Variants in POLQ observed in about 807,000 individuals in gnomAD.
The protein encoded by POLQ is DNA polymerase theta, also known as epididymis secretory sperm binding protein.
A neutral mutation model predicts 259.2 loss-of-function variants in POLQ; 233 were observed. The observed-to-expected ratio is 0.90, with a 90% CI of 0.81 to 1.00. The LOEUF (loss-of-function observed/expected upper bound fraction) is 1.00, where lower values mean the gene tolerates loss of function less well. POLQ is among the 50% of genes least tolerant of loss of function. POLQ has a pLI of 0.00. For synonymous variants in POLQ, 1,025 were observed against 1,048.8 expected, an observed-to-expected ratio of 0.98 and a Z score of 0.44; for missense variants, 2,871 against 3,051.6, an observed-to-expected ratio of 0.94 and a Z score of 1.39.
chr3:121,507,808 AAT>A (rs2048221023), intron 12 of POLQ, among the ~76,000 whole-genome samples: 1 of 152,046 alleles, frequency 6.6e-6, no homozygotes, highest in Non-Finnish European at 1.5e-5. Context: ...TCCCTGTCTA[AAT>A]TCCTATAACT....
chr3:121,465,908 T>G (rs1449947699), intron 24 of POLQ, among the ~76,000 whole-genome samples: 1 of 152,146 alleles, frequency 6.6e-6, no homozygotes, highest in African/African-American at 2.4e-5. Context: ...AAGTCGCATC[T>G]CTCTCACGTT....
Position 121,489,973 on chromosome 3 carries a change from G to GA in POLQ, c.2957dup (p.Arg987GlnfsTer12). 6.3e-7 allele frequency: 1 copy of GA among 1,581,840 alleles called. No homozygotes were observed. The highest frequency in any genetic ancestry group is 8.5e-7 in the Non-Finnish European group (1 of 1,171,380). ...CTAAAGAGGCCCGTTTTCTTGCTCT[G>GA]AAAATGGAACATGTCTGATGTTCTT... On this transcript the variant is annotated frameshift_variant, in exon 16 of 30. Transcript: ENST00000264233. LOFTEE classifies it high-confidence loss of function.
intron 15 of POLQ, among the ~76,000 whole-genome samples, chr3:121,490,779 C>T (rs539038370): frequency 7.2e-5 from 11 of 152,246 alleles, no homozygotes; most frequent in East Asian, 3.9e-4. Flanking sequence ...TCCGGCCGGG[C>T]GCGGTAGCTC....
intron 3 of POLQ, 39 bp downstream of exon 3, chr3:121,541,310 T>G (rs187738179): frequency 6.7e-7 from 1 of 1,495,014 alleles, no homozygotes; most frequent in African/African-American, 1.4e-5. Context: ...CTGCCAATAA[T>G]GAGCCTTTCA....
chr3:121,518,454 G>C (rs765725142), intron 9 of POLQ, among the ~76,000 whole-genome samples: 1 of 152,184 alleles, frequency 6.6e-6, no homozygotes, highest in Admixed American at 6.5e-5. Flanking sequence ...CCACAGCAGG[G>C]AAAGTGTGCT....
rs551107797 is a variant in POLQ, at chr3:121,481,651, G to T, written c.6132C>A (p.Tyr2044Ter). 2 of 1,614,010 alleles carry T rather than the reference G, an allele frequency of 1.2e-6. No individual in the cohort carries two copies. Among genetic ancestry groups the T allele is most frequent in the African/African-American group, 2.7e-5 (2 of 75,056 alleles). The change falls in exon 19 of 30, where the codon TAC becomes TAA. Residue 2044 changes from tyrosine to a stop codon, truncating the protein, a stop_gained. Transcript: ENST00000264233. LOFTEE classifies it high-confidence loss of function. ...TGAGAATGGACTCCACAGATGCTCT[G>T]TATCGCCCAGAATGCTCACTGCCAG... ...LNAGSEHSGRYRASVESILIF... is the reference protein window; with the variant it reads ...LNAGSEHSGR
chr3:121,486,040 G>A (rs927977336), intron 16 of POLQ, among the ~76,000 whole-genome samples: 2 of 152,154 alleles, frequency 1.3e-5, no homozygotes, highest in African/African-American at 2.4e-5. Context: ...AGCCTTATTT[G>A]ACCAAAAGGT....
rs375907371 is a variant in POLQ at position 121,537,131 on chromosome 3, T to C, written c.709A>G (p.Ile237Val). The change falls in exon 5 of 30, where the codon ATT (isoleucine) becomes GTT (valine). Residue 237 changes from isoleucine (I) to valine (V), a missense_variant. Physicochemically the swap from Ile to Val is conservative, Grantham distance 29. Coordinates refer to ENST00000264233, the MANE Select transcript of POLQ (RefSeq NM_199420.4). ...GCTGATTTCCGAGTAATATAGCAAA[T>C]CTTGGTCAGCAAAAGTTCCAGCAGA... ...GYLLELLLTKICYITRKSASC... is the reference protein window; with the variant it reads ...GYLLELLLTKVCYITRKSASC... 9 of 1,592,164 alleles carry C rather than the reference T, an allele frequency of 5.7e-6. No homozygotes were observed. In the African/African-American group the frequency reaches 1.1e-4, roughly 19 times the overall value.
At chr3:121,433,517 A>C (rs561551207) in intron 28 of POLQ, among the ~76,000 whole-genome samples, 139 of 152,272 alleles carry the variant, frequency 9.1e-4, no homozygotes, top group African/African-American at 3.2e-3. Context: ...TGAACCGTAC[A>C]CACTCCAAAC....
chr3:121,488,043 T>A lies in POLQ; in HGVS notation c.4888A>T (p.Ile1630Leu). The change falls in exon 16 of 30, where the codon ATA (isoleucine) becomes TTA (leucine). Residue 1630 changes from isoleucine to leucine, a missense_variant. This residue lies in a region of POLQ where 2,080 missense variants were observed against 2,126.0 expected (regional missense o/e 0.98). Transcript: ENST00000264233. ...LTGTRQNHSF[I>L]WSGASFDLSP... Reference sequence around the variant, plus strand: ...AGATCAAATGATGCCCCTGACCATATGAATGAATGATTTTGCCTGGTCCCA... The same window carrying A: ...AGATCAAATGATGCCCCTGACCATAAGAATGAATGATTTTGCCTGGTCCCA... 1 of 1,614,000 alleles carries A rather than the reference T, an allele frequency of 6.2e-7. No homozygotes were observed. The highest frequency in any genetic ancestry group is 8.5e-7 in the Non-Finnish European group (1 of 1,179,914).
At chr3:121,491,343 T>C (rs1464323634) in intron 15 of POLQ, among the ~76,000 whole-genome samples, 1 of 51,670 alleles carries the variant, frequency 1.9e-5, no homozygotes, top group Admixed American at 3.6e-4. Flanking sequence ...AGCGAGACTG[T>C]CACAAAAAAA....
chr3:121,535,975 T>A (rs1283403247), intron 5 of POLQ, among the ~76,000 whole-genome samples: 3 of 151,918 alleles, frequency 2.0e-5, no homozygotes, highest in Non-Finnish European at 4.4e-5. Context: ...TTCAGGAAAA[T>A]CTTCAAGAAG....
At chr3:121,531,600 T>G (rs544182586) in intron 6 of POLQ, among the ~76,000 whole-genome samples, 1 of 152,304 alleles carries the variant, frequency 6.6e-6, no homozygotes, top group African/African-American at 2.4e-5. Flanking sequence ...TAACATGATC[T>G]GATGTTCATT....
At position 121,510,258 on chromosome 3, in the gene POLQ, T is replaced by G; in HGVS notation, c.1612-15A>C. On this transcript the variant is annotated splice_polypyrimidine_tract_variant and intron_variant, in intron 10 of 29. Coordinates refer to ENST00000264233, the MANE Select transcript of POLQ (RefSeq NM_199420.4). ...CCAACTATTATCTGAAAGAAGATAT[T>G]TGGAAATTTCTGTAGCTTTTTAAGA... is the stretch of plus-strand genomic sequence containing the variant. 6.3e-7 allele frequency: 1 copy of G among 1,592,302 alleles called. No individual in the cohort carries two copies. The highest frequency in any genetic ancestry group is 1.1e-5 in the South Asian group (1 of 90,308).
In POLQ at chr3:121,468,358, T is replaced by C. The variant is rs775029359; in HGVS notation, c.6792A>G (p.Val2264=). 3 of 1,611,622 alleles carry C rather than the reference T, an allele frequency of 1.9e-6. No homozygotes were observed. In the East Asian group the frequency reaches 6.7e-5, roughly 36 times the overall value. The change falls in exon 23 of 30, where the codon GTA becomes GTG. Residue 2264 remains valine (V), a synonymous_variant. Transcript: ENST00000264233. ...CAGCTTGAGAAGGTGGGCTTTCTCC[T>C]ACTAGTGTTGGCATTTTGATTTCAA... The part of the protein sequence containing the change: ...RDFEIKMPTL[V]GESPPSQAVG...
rs752002026 is a variant in POLQ at position 121,488,131 on chromosome 3, C to A, written c.4800G>T (p.Glu1600Asp). The change falls in exon 16 of 30, where the codon GAG becomes GAT. Residue 1600 changes from glutamate (E) to aspartate (D), a missense_variant. By Grantham distance (45) the Glu-to-Asp change is conservative. Coordinates refer to ENST00000264233, the MANE Select transcript of POLQ (RefSeq NM_199420.4). ...ALELSDPVLD[E>D]HHQGDQDGGD... ...CTCCATCTTGATCACCTTGGTGGTGCTCATCAAGTACTGGATCACTTAGTT... is the reference window on the plus strand; with the variant it reads ...CTCCATCTTGATCACCTTGGTGGTGATCATCAAGTACTGGATCACTTAGTT... The A allele has an allele frequency of 9.3e-6, 15 of 1,612,574 alleles. No individual in the cohort carries two copies. Among genetic ancestry groups the A allele is most frequent in the Non-Finnish European group, 1.3e-5 (15 of 1,179,092 alleles).
At chr3:121,448,196 C>G (rs1310679301) in intron 26 of POLQ, among the ~76,000 whole-genome samples, 1 of 152,008 alleles carries the variant, frequency 6.6e-6, no homozygotes, top group African/African-American at 2.4e-5. Context: ...AGGTGTGCTT[C>G]ATCCTTTTTA....
At chr3:121,485,711 C>T (rs773841223) in intron 16 of POLQ, among the ~76,000 whole-genome samples, 1 of 152,202 alleles carries the variant, frequency 6.6e-6, no homozygotes, top group East Asian at 1.9e-4. Flanking sequence ...GAACTTAGTA[C>T]ATATTTATTA....
chr3:121,452,401 G>T (rs188284377), intron 25 of POLQ, among the ~76,000 whole-genome samples: 2 of 152,074 alleles, frequency 1.3e-5, no homozygotes, highest in African/African-American at 4.8e-5. Flanking sequence ...GTTCCAATTC[G>T]GCCATCTTGG....
Sources: allele counts gnomAD v4.1 joint callset (sites outside exome capture counted in the v4.1 genomes callset), GRCh38; gene constraint gnomAD v4.1.1; regional missense constraint gnomAD v4.1.1; transcripts MANE v1.5; gene names NCBI Gene and HGNC (gene_info 2026-07-23, HGNC 2026-07-21).